Variants in USP13 observed in about 807,000 individuals in gnomAD.
USP13 encodes the protein ubiquitin carboxyl-terminal hydrolase 13.
In USP13, 68 loss-of-function variants were observed where a neutral mutation model predicts 107.8. The ratio of observed to expected loss-of-function variants is 0.63; its 90% CI spans 0.52 to 0.77. The LOEUF is 0.77. Ranked by LOEUF, USP13 falls within the 30% of genes least tolerant of loss-of-function variation. USP13 has a pLI of 0.00. For synonymous variants in USP13, 377 were observed against 389.5 expected (o/e 0.97, Z 0.38); for missense variants, 945 against 1,093.3 (o/e 0.86, Z 1.91).
intron 19 of USP13, among the ~76,000 whole-genome samples, chr3:179,771,242 A>G (rs752946465): frequency 1.3e-4 from 20 of 152,156 alleles, no homozygotes; most frequent in Admixed American, 2.6e-4. Context: ...GTTAAAATCT[A>G]GCTAAGTCTT....
At chr3:179,690,946 T>C (rs1712096292) in intron 3 of USP13, among the ~76,000 whole-genome samples, 1 of 152,170 alleles carries the variant, frequency 6.6e-6, no homozygotes, top group African/African-American at 2.4e-5. Flanking sequence ...GGCAGGAGGA[T>C]TGCTTGAACC....
chr3:179,723,006 C>A (rs1391809777), intron 8 of USP13, among the ~76,000 whole-genome samples: 6 of 152,150 alleles, frequency 3.9e-5, no homozygotes, highest in Non-Finnish European at 8.8e-5. Flanking sequence ...CTGGTACACT[C>A]TCAGGCAGCC....
rs1241455228 is a variant in USP13 at position 179,744,349 on chromosome 3, TTTTTTGTTTTGTTTTG to T, written c.1535-688_1535-673del. Among the ~76,000 whole-genome samples, 717 of 131,530 alleles carry T rather than the reference TTTTTTGTTTTGTTTTG, an allele frequency of 5.5e-3. 7 individuals carry two copies. The highest frequency in any genetic ancestry group is 0.018 in the African/African-American group (695 of 39,366). 86.3% of individuals were successfully genotyped at this position (131,530 alleles called of 152,430 possible). ...GGCGCTTAGTGGTGGTTCTGTTTTT[TTTTTTGTTTTGTTTTG>T]TTTTTTTCTGCCTTTGGTTATTTTA... On this transcript the variant is annotated intron_variant, in intron 12 of 20. Coordinates refer to ENST00000263966, the MANE Select transcript of USP13 (RefSeq NM_003940.3).
intron 6 of USP13, among the ~76,000 whole-genome samples, chr3:179,716,984 T>A (rs1323257836): frequency 1.3e-5 from 2 of 152,226 alleles, no homozygotes; most frequent in Non-Finnish European, 2.9e-5. Context: ...AATGAAAGGA[T>A]GACTGGTTTG....
chr3:179,673,174 G>A (rs1677834577), intron 1 of USP13, among the ~76,000 whole-genome samples: 4 of 152,136 alleles, frequency 2.6e-5, no homozygotes, highest in Admixed American at 2.6e-4. Flanking sequence ...GTTTTATTTT[G>A]AGAATTCCCA....
chr3:179,746,860 C>T (rs777989543), intron 13 of USP13, among the ~76,000 whole-genome samples: 11 of 152,192 alleles, frequency 7.2e-5, no homozygotes, highest in South Asian at 2.1e-4. Context: ...CCACCATGTC[C>T]GGCCTCAACC....
chr3:179,655,568 T>G (rs199856253), intron 1 of USP13, among the ~76,000 whole-genome samples: 6,384 of 140,054 alleles, frequency 0.046, 460 homozygotes, highest in East Asian at 0.16. Context: ...TTTTGTTTTG[T>G]TTTTTTTTTG....
At chr3:179,727,161 ATGT>A (rs1273224586) in intron 8 of USP13, among the ~76,000 whole-genome samples, 14 of 121,368 alleles carry the variant, frequency 1.2e-4, no homozygotes, top group African/African-American at 4.9e-4. Context: ...ACAATTTTTA[ATGT>A]TTTTTTTTTT....
intron 15 of USP13, 31 bp from the exon 16 acceptor site, chr3:179,757,021 C>T (rs756261970): frequency 6.2e-7 from 1 of 1,613,270 alleles, no homozygotes; most frequent in Admixed American, 1.7e-5. Flanking sequence ...ATGGTTTGGT[C>T]TCATTTTCTG....
intron 1 of USP13, 127 bp from the exon 2 acceptor site, chr3:179,681,751 G>A: frequency 8.2e-7 from 1 of 1,219,870 alleles, no homozygotes; most frequent in Non-Finnish European, 1.1e-6. Flanking sequence ...GGGTATCACA[G>A]CAGGAGCCTC....
At position 179,681,867 on chromosome 3, in the gene USP13, C is replaced by G; in HGVS notation, c.169-11C>G. The G allele has an allele frequency of 1.2e-6, 2 of 1,608,924 alleles. No homozygotes were observed. Among genetic ancestry groups the G allele is most frequent in the Non-Finnish European group, 1.7e-6 (2 of 1,177,266 alleles). On this transcript the variant is annotated splice_polypyrimidine_tract_variant and intron_variant, in intron 1 of 20. Transcript: ENST00000263966. ...TGTCGTCGGCTAATGTACTTTTTCT[C>G]TTTCTTCTAGAATTCTGAAGGTGGA...
intron 1 of USP13, among the ~76,000 whole-genome samples, chr3:179,677,287 G>A (rs1026656441): frequency 4.0e-5 from 6 of 151,768 alleles, no homozygotes; most frequent in East Asian, 2.0e-4. Flanking sequence ...TTCATGTCTG[G>A]TATGTTAAAT....
intron 10 of USP13, among the ~76,000 whole-genome samples, chr3:179,735,763 T>C (rs539887078): frequency 1.3e-5 from 2 of 152,332 alleles, no homozygotes; most frequent in Admixed American, 1.3e-4. Flanking sequence ...CCAGGTGTGG[T>C]GGCTCACACG....
chr3:179,775,754 C>T (rs1391746484), intron 19 of USP13, among the ~76,000 whole-genome samples: 2 of 152,216 alleles, frequency 1.3e-5, no homozygotes, highest in African/African-American at 4.8e-5. Context: ...AGATGCTGGC[C>T]TGGGTGCAAA....
At chr3:179,760,899 C>T (rs878860806) in intron 16 of USP13, among the ~76,000 whole-genome samples, 3 of 152,184 alleles carry the variant, frequency 2.0e-5, no homozygotes, top group Admixed American at 2.0e-4. Flanking sequence ...GGTAATTAAC[C>T]TGGTTCCTAT....
intron 1 of USP13, among the ~76,000 whole-genome samples, chr3:179,675,233 G>T (rs1367478867): frequency 6.6e-6 from 1 of 151,606 alleles, no homozygotes; most frequent in Non-Finnish European, 1.5e-5. Context: ...TTTTAAAAGT[G>T]GGCTGAATAT....
At position 179,781,727 on chromosome 3, in the gene USP13, C is replaced by A. The variant is rs756238731; in HGVS notation, c.2414-12C>A. On this transcript the variant is annotated splice_polypyrimidine_tract_variant and intron_variant, in intron 19 of 20. Transcript: ENST00000263966. ...ATGCTGCCTTGTAACTGAGTTGTTT[C>A]CTCTTTCACAGCATATGAGCTATTT... The A allele has an allele frequency of 5.0e-6, 8 of 1,612,392 alleles. No homozygotes were observed. Among genetic ancestry groups the A allele is most frequent in the Non-Finnish European group, 6.8e-6 (8 of 1,178,898 alleles).
Position 179,653,656 on chromosome 3 carries a change from C to T in USP13, c.168+263C>T. 2.1e-6 allele frequency: 1 copy of T among 480,142 alleles called. No individual in the cohort carries two copies. Among genetic ancestry groups the T allele is most frequent in the Non-Finnish European group, 3.7e-6 (1 of 269,140 alleles). The allele number at this position is 480,142 out of a possible 1,614,324, so 29.7% of individuals were successfully genotyped here. On this transcript the variant is annotated intron_variant, in intron 1 of 20. Transcript: ENST00000263966. This position sits in a 1 kb window ranked among gnomAD's most constrained non-coding sequence, Gnocchi z 4.0. The stretch of plus-strand genomic sequence containing the variant: ...TCCCAGCAGCTTGCACACAGCCCCG[C>T]CGCCGTTTAAAGATAGATGAAATAC...
intron 6 of USP13, 125 bp downstream of exon 6, chr3:179,709,082 T>C (rs1165516251): frequency 1.7e-6 from 2 of 1,167,154 alleles, no homozygotes; most frequent in East Asian, 5.2e-5. Flanking sequence ...TGAATTCTAA[T>C]TCTGCCTCTT....
Sources: allele counts gnomAD v4.1 joint callset (sites outside exome capture counted in the v4.1 genomes callset), GRCh38; gene constraint gnomAD v4.1.1; non-coding constraint Gnocchi (gnomAD v3.1); transcripts MANE v1.5; gene names NCBI Gene and HGNC (gene_info 2026-07-23, HGNC 2026-07-21).